Variants in PDE6A observed in about 807,000 individuals in gnomAD.
PDE6A encodes the protein rod cGMP-specific 3',5'-cyclic phosphodiesterase subunit alpha.
Under a neutral mutation model 106.3 loss-of-function variants are expected in PDE6A, and 84 were observed. The observed-to-expected ratio is 0.79, with a 90% CI of 0.66 to 0.95. The LOEUF (loss-of-function observed/expected upper bound fraction) is 0.95. PDE6A is among the 40% of genes least tolerant of loss of function. PDE6A has a pLI of 0.00. For missense variants in PDE6A, 1,052 were observed against 1,084.9 expected (o/e 0.97, Z 0.43); for synonymous variants, 394 against 386.6 (o/e 1.02, Z -0.23).
chr5:149,865,281 G>T (rs569257276), intron 20 of PDE6A, among the ~76,000 whole-genome samples: 1 of 150,784 alleles, frequency 6.6e-6, no homozygotes, highest in South Asian at 2.1e-4. Flanking sequence ...GTGGTGGTGT[G>T]CACCTGTGGT....
intron 1 of PDE6A, among the ~76,000 whole-genome samples, chr5:149,935,577 A>C (rs1015343709): frequency 3.3e-5 from 5 of 152,196 alleles, no homozygotes; most frequent in African/African-American, 1.2e-4. Flanking sequence ...GATTGGCTTG[A>C]AGCTCTGAGT....
At chr5:149,911,067 G>T (rs1360725231) in intron 6 of PDE6A, among the ~76,000 whole-genome samples, 4 of 151,738 alleles carry the variant, frequency 2.6e-5, no homozygotes, top group African/African-American at 9.7e-5. Flanking sequence ...TTTTTGTGGA[G>T]ATGGGGTCTT....
intron 16 of PDE6A, among the ~76,000 whole-genome samples, chr5:149,884,068 G>A (rs112076155): frequency 3.3e-5 from 5 of 151,838 alleles, no homozygotes; most frequent in African/African-American, 1.2e-4. Context: ...TGGTGTTCCT[G>A]TAGTCCCAGC....
chr5:149,889,876 C>T (rs1206181761), intron 13 of PDE6A, among the ~76,000 whole-genome samples: 1 of 144,766 alleles, frequency 6.9e-6, no homozygotes, highest in African/African-American at 2.6e-5. Context: ...CACTGCACTC[C>T]AGCCTGGGTG....
intron 19 of PDE6A, 47 bp from the exon 20 acceptor site, chr5:149,866,300 C>A (rs1195874725): frequency 7.7e-7 from 1 of 1,294,258 alleles, no homozygotes; most frequent in South Asian, 1.2e-5. Flanking sequence ...GTAAGAGAAA[C>A]CTACCCTATC....
chr5:149,861,783 G>A (rs900608947), intron 21 of PDE6A, among the ~76,000 whole-genome samples: 19 of 152,086 alleles, frequency 1.2e-4, no homozygotes, highest in Admixed American at 5.9e-4. Flanking sequence ...AAAAAAAGAA[G>A]GAGAAAAAAA....
At chr5:149,921,773 G>A (rs1753729463) in intron 4 of PDE6A, 64 bp from the exon 5 acceptor site, 2 of 1,240,468 alleles carry the variant, frequency 1.6e-6, no homozygotes, top group Admixed American at 3.5e-5. Flanking sequence ...AGATTAAGAT[G>A]TCCCACCTCC....
intron 2 of PDE6A, 81 bp from the exon 3 acceptor site, chr5:149,934,100 T>G: frequency 1.2e-6 from 1 of 803,930 alleles, no homozygotes; most frequent in Non-Finnish European, 2.2e-6. Flanking sequence ...AGCAAATATC[T>G]GAATATTTTC....
At position 149,937,907 on chromosome 5, in the gene PDE6A, C is replaced by G. The variant is rs1468194906; in HGVS notation, c.475-3189G>C. Among the ~76,000 whole-genome samples the G allele has an allele frequency of 2.6e-5, 4 of 152,210 alleles. No homozygotes were observed. The East Asian group carries it at 7.7e-4, about 29-fold the overall frequency. On this transcript the variant is annotated intron_variant, in intron 1 of 21. Transcript: ENST00000255266. Reference sequence around the variant, plus strand: ...CACCTTTCCCATTTTATAGACAACTCCCTTGCTGGTAAGTGGCACAGTTGC... The same window carrying G: ...CACCTTTCCCATTTTATAGACAACTGCCTTGCTGGTAAGTGGCACAGTTGC...
chr5:149,925,942 G>A (rs1753854029), intron 4 of PDE6A, among the ~76,000 whole-genome samples: 1 of 151,882 alleles, frequency 6.6e-6, no homozygotes, highest in South Asian at 2.1e-4. Flanking sequence ...CAGAAGAATA[G>A]GTAAATATAC....
intron 13 of PDE6A, among the ~76,000 whole-genome samples, chr5:149,891,033 C>G (rs1032551940): frequency 3.3e-5 from 5 of 152,158 alleles, no homozygotes; most frequent in African/African-American, 1.2e-4. Context: ...TAAGTGTGGA[C>G]TCATAAGGAG....
At chr5:149,900,237 C>T (rs755496651) in intron 8 of PDE6A, among the ~76,000 whole-genome samples, 1 of 151,582 alleles carries the variant, frequency 6.6e-6, no homozygotes, top group African/African-American at 2.4e-5. Flanking sequence ...CGGCATGCTC[C>T]TGTAATCCCA....
intron 10 of PDE6A, 64 bp from the exon 11 acceptor site, chr5:149,896,840 C>G: frequency 6.5e-7 from 1 of 1,545,654 alleles, no homozygotes; most frequent in Non-Finnish European, 8.9e-7. Flanking sequence ...CGTTTCCATT[C>G]CCATTTATCT....
At chr5:149,899,096 G>A (rs1752869888) in intron 9 of PDE6A, among the ~76,000 whole-genome samples, 1 of 152,144 alleles carries the variant, frequency 6.6e-6, no homozygotes, top group Admixed American at 6.5e-5. Flanking sequence ...TGAGTTCCTG[G>A]GCTCAAGTGA....
At chr5:149,884,324 GTGTATATATGTATATATA>G (rs1761053204) in intron 16 of PDE6A, among the ~76,000 whole-genome samples, 137 bp downstream of exon 16, 4 of 146,752 alleles carry the variant, frequency 2.7e-5, no homozygotes, top group Admixed American at 2.1e-4. Flanking sequence ...ATGTATATAT[GTGTATATATGTATATATA>G]TGTGTGTATA....
intron 17 of PDE6A, among the ~76,000 whole-genome samples, chr5:149,874,148 C>T (rs1310366983): frequency 6.6e-6 from 1 of 152,130 alleles, no homozygotes; most frequent in African/African-American, 2.4e-5. Context: ...ACAAGCAATC[C>T]TGACACCAAC....
chr5:149,876,374 C>A (rs1760743452), intron 17 of PDE6A, among the ~76,000 whole-genome samples: 2 of 132,720 alleles, frequency 1.5e-5, no homozygotes, highest in East Asian at 2.3e-4. Flanking sequence ...TTTTTTTTAA[C>A]CAGAGTCTCT....
chr5:149,899,586 G>C, intron 8 of PDE6A, 62 bp from the exon 9 acceptor site: 1 of 1,513,446 alleles, frequency 6.6e-7, no homozygotes, highest in Non-Finnish European at 9.2e-7. Flanking sequence ...AACGATGATA[G>C]ATTTCACCCT....
intron 1 of PDE6A, 146 bp from the exon 2 acceptor site, chr5:149,934,864 A>G: frequency 1.3e-6 from 1 of 787,036 alleles, no homozygotes; most frequent in Non-Finnish European, 2.2e-6. Flanking sequence ...GACATCTGTC[A>G]TGGAAGCTTC....
Sources: allele counts gnomAD v4.1 joint callset (sites outside exome capture counted in the v4.1 genomes callset), GRCh38; gene constraint gnomAD v4.1.1; transcripts MANE v1.5; gene names NCBI Gene and HGNC (gene_info 2026-07-23, HGNC 2026-07-21).